DHCR7: variants seen among roughly 807,000 people sequenced by gnomAD.
The protein encoded by DHCR7 is 7-DHC reductase.
DHCR7 carries 40 observed loss-of-function variants against 43.3 expected under a neutral mutation model. The ratio of observed to expected loss-of-function variants is 0.92; its 90% CI spans 0.72 to 1.20. DHCR7 has a LOEUF of 1.20. Among genes scored for constraint, DHCR7 ranks in the 50% most tolerant of loss-of-function variants. The probability of loss-of-function intolerance (pLI) is 0.00; values close to 1 mark genes in which losing one functional copy is unlikely to be tolerated. For synonymous variants in DHCR7, 298 were observed against 271.4 expected (o/e 1.10, Z -0.96); for missense variants, 608 against 644.6 (o/e 0.94, Z 0.62).
chr11:71,440,077 G>A (rs908381157), intron 6 of DHCR7, among the ~76,000 whole-genome samples: 4 of 152,220 alleles, frequency 2.6e-5, no homozygotes, highest in African/African-American at 4.8e-5. Context: ...ATGGGATGGG[G>A]AGAGGAGCAG....
intron 2 of DHCR7, among the ~76,000 whole-genome samples, chr11:71,445,300 G>A (rs1949394114): frequency 6.6e-6 from 1 of 152,302 alleles, no homozygotes; most frequent in East Asian, 1.9e-4. Context: ...TTGGCTCCAG[G>A]AACACAGGGG....
At position 71,434,952 on chromosome 11, in the gene DHCR7, G is replaced by A. The variant is rs1949254986; in HGVS notation, c.*423C>T. On this transcript the variant is annotated 3_prime_UTR_variant, in exon 9 of 9. Transcript: ENST00000355527. ...AGCTGAAAGGCAATACATGGATAAC[G>A]CGCACGCCCCACTCCCACTTTTATT... 6 of 380,276 alleles carry A rather than the reference G, an allele frequency of 1.6e-5. No individual in the cohort carries two copies. Among genetic ancestry groups the A allele is most frequent in the African/African-American group, 4.2e-5 (2 of 47,722 alleles). The allele number at this position is 380,276 out of a possible 1,614,324, so 23.6% of individuals were successfully genotyped here. A position where few individuals can be genotyped will look rare whatever the true frequency, so the allele number is the denominator to read the frequency against.
chr11:71,439,202 G>A (rs1023993186), intron 6 of DHCR7, 119 bp from the exon 7 acceptor site: 14 of 938,812 alleles, frequency 1.5e-5, no homozygotes, highest in Middle Eastern at 2.9e-4. Flanking sequence ...GTGAGACGGC[G>A]CAGGCAGAAG....
In DHCR7 at chr11:71,437,893, G is replaced by A. The variant is rs748858240; in HGVS notation, c.882C>T (p.Thr294=). The A allele has an allele frequency of 8.7e-6, 14 of 1,613,854 alleles. No homozygotes were observed. Among genetic ancestry groups the A allele is most frequent in the Non-Finnish European group, 1.2e-5 (14 of 1,180,040 alleles). Residue 294 remains threonine, a synonymous_variant, in exon 8 of 9, where the codon ACC becomes ACT. Coordinates refer to ENST00000355527, the MANE Select transcript of DHCR7 (RefSeq NM_001360.3). Reference sequence around the variant, plus strand: ...CGAAGTGGTCATGGCAGATGTCAATGGTCTTCAGGTACCAGGTTTCGTTCC... The same window carrying A: ...CGAAGTGGTCATGGCAGATGTCAATAGTCTTCAGGTACCAGGTTTCGTTCC... ...FFWNETWYLK[T]IDICHDHFGW... is the part of the protein sequence containing the mutation.
chr11:71,440,453 G>C (rs1339946589), intron 6 of DHCR7, among the ~76,000 whole-genome samples: 2 of 148,686 alleles, frequency 1.3e-5, no homozygotes, highest in Non-Finnish European at 3.0e-5. Context: ...GGATGGGCAG[G>C]TGGATGAGAT....
chr11:71,445,085 T>G, intron 2 of DHCR7, 127 bp from the exon 3 acceptor site: 1 of 758,014 alleles, frequency 1.3e-6, no homozygotes, highest in Non-Finnish European at 2.3e-6. Context: ...CGGTACCTTG[T>G]TCCTGACAGC....
At chr11:71,430,802 A>G (rs1378715110), downstream of DHCR7, among the ~76,000 whole-genome samples, 1 of 152,202 alleles carries the variant, frequency 6.6e-6, no homozygotes, top group Non-Finnish European at 1.5e-5. Flanking sequence ...ATGAGTCTGG[A>G]GTCTTTATAG....
chr11:71,440,868 T>C (rs1949340973), intron 6 of DHCR7, among the ~76,000 whole-genome samples: 1 of 152,046 alleles, frequency 6.6e-6, no homozygotes, highest in Non-Finnish European at 1.5e-5. Context: ...ACAATAAGAC[T>C]CTTCACTAAG....
chr11:71,443,967 C>G, intron 4 of DHCR7, 26 bp downstream of exon 4: 6 of 1,594,778 alleles, frequency 3.8e-6, no homozygotes, highest in Non-Finnish European at 5.1e-6. Context: ...CTGCTGTGTC[C>G]CAACCCCAGG....
Position 71,435,131 on chromosome 11 carries a change from A to T in DHCR7, c.*244T>A. On this transcript the variant is annotated 3_prime_UTR_variant, in exon 9 of 9. Coordinates refer to ENST00000355527, the MANE Select transcript of DHCR7 (RefSeq NM_001360.3). ...TGGGTCATCCTCCTGCCCCAGGGAC[A>T]CTGATTAGAGAAAATCCGTCTGTGC... The T allele has an allele frequency of 1.5e-6, 1 of 675,726 alleles. No individual in the cohort carries two copies. The highest frequency in any genetic ancestry group is 2.7e-6 in the Non-Finnish European group (1 of 368,180). 41.9% of individuals were successfully genotyped at this position (675,726 alleles called of 1,614,324 possible). A position where few individuals can be genotyped will look rare whatever the true frequency, so the allele number is the denominator to read the frequency against.
intron 2 of DHCR7, among the ~76,000 whole-genome samples, chr11:71,446,772 A>G (rs1311109440): frequency 6.6e-6 from 1 of 152,278 alleles, no homozygotes; most frequent in African/African-American, 2.4e-5. Context: ...CCTATGATGC[A>G]CAAAACAAGA....
At chr11:71,438,025 A>G (rs984181549) in intron 7 of DHCR7, 82 bp from the exon 8 acceptor site, 2 of 1,533,462 alleles carry the variant, frequency 1.3e-6, no homozygotes, top group Non-Finnish European at 1.8e-6. Context: ...CTCCACGCAG[A>G]TGCAGCAGGG....
In DHCR7 at chr11:71,442,350, G is replaced by A; in HGVS notation, c.325C>T (p.Leu109Phe). 1 of 1,613,536 alleles carries A rather than the reference G, an allele frequency of 6.2e-7. No individual in the cohort carries two copies. The highest frequency in any genetic ancestry group is 1.3e-5 in the African/African-American group (1 of 75,008). Residue 109 changes from leucine to phenylalanine, a missense_variant, in exon 5 of 9, where the codon CTT becomes TTT. Transcript: ENST00000355527. The part of the protein sequence containing the change: ...LYTLWVTFQV[L>F]LYTSLPDFCH... ...AAGTCAGGGAGAGACGTGTACAGAAGCACCTGAAACACACAAGCAGCCTGA... is the reference window on the plus strand; with the variant it reads ...AAGTCAGGGAGAGACGTGTACAGAAACACCTGAAACACACAAGCAGCCTGA...
Position 71,444,972 on chromosome 11 carries a change from A to T in DHCR7, c.-6-14T>A, listed in dbSNP as rs1245579012. The T allele has an allele frequency of 6.2e-7, 1 of 1,605,958 alleles. No individual in the cohort carries two copies. ...AGCCATTGGGCCCTGCAAGAAAGAG[A>T]ACCTTGCTTACATTATCCCTCAAAT... On this transcript the variant is annotated splice_polypyrimidine_tract_variant and intron_variant, in intron 2 of 8. Transcript: ENST00000355527.
At chr11:71,439,147 T>C (rs1193577660) in intron 6 of DHCR7, 64 bp from the exon 7 acceptor site, 3 of 1,496,452 alleles carry the variant, frequency 2.0e-6, no homozygotes, top group African/African-American at 2.8e-5. Context: ...GAAGCCACCT[T>C]ACTTAGCGAG....
At chr11:71,428,859 G>C in intron 2 of DHCR7, 1 of 456,256 alleles carries the variant, frequency 2.2e-6, no homozygotes, top group Non-Finnish European at 4.4e-6. Flanking sequence ...TCATCTGCAA[G>C]GCAAGTCAAG....
chr11:71,444,746 T>C (rs928965361), intron 3 of DHCR7, 109 bp downstream of exon 3: 146 of 931,000 alleles, frequency 1.6e-4, no homozygotes, highest in Non-Finnish European at 2.3e-4. Context: ...AAAAAAAAAA[T>C]CTTTTTTAAA....
At chr11:71,442,738 C>T (rs1949362543) in intron 4 of DHCR7, among the ~76,000 whole-genome samples, 2 of 152,156 alleles carry the variant, frequency 1.3e-5, no homozygotes, top group South Asian at 2.1e-4. Context: ...CTCACCGCAG[C>T]GTTGTCCTCC....
In DHCR7 at chr11:71,447,742, G is replaced by A. The variant is rs1253319263; in HGVS notation, c.-131-8C>T. 6.6e-6 allele frequency: 1 copy of A among 152,256 alleles called. No individual in the cohort carries two copies. Among genetic ancestry groups the A allele is most frequent in the Non-Finnish European group, 1.5e-5 (1 of 68,066 alleles). The allele number at this position is 152,256 out of a possible 1,614,324, so 9.4% of individuals were successfully genotyped here. Reference sequence around the variant, plus strand: ...TCTCAACCGGCTAAAGTCCTGCAAGGAACACAAAAATGAATAAGACCGCAG... The same window carrying A: ...TCTCAACCGGCTAAAGTCCTGCAAGAAACACAAAAATGAATAAGACCGCAG... On this transcript the variant is annotated splice_region_variant and splice_polypyrimidine_tract_variant and intron_variant, in intron 1 of 8. Coordinates refer to ENST00000355527, the MANE Select transcript of DHCR7 (RefSeq NM_001360.3).
Sources: gnomAD v4.1 joint callset for allele counts (sites outside exome capture counted in the v4.1 genomes callset) on GRCh38, gnomAD v4.1.1 for gene constraint, MANE v1.5 for transcripts, NCBI Gene and HGNC (gene_info 2026-07-23, HGNC 2026-07-21) for gene names.